Variants in CLSTN2 observed in about 807,000 individuals in gnomAD.
CLSTN2 encodes the protein calsyntenin-2.
A neutral mutation model predicts 101.2 loss-of-function variants in CLSTN2; 48 were observed. That is an observed-to-expected ratio of 0.47 (90% CI 0.38 to 0.60). The LOEUF is 0.60. Ranked by LOEUF, CLSTN2 falls within the 20% of genes least tolerant of loss-of-function variation. The pLI is 0.00. For synonymous variants in CLSTN2, 481 were observed against 463.6 expected (o/e 1.04, Z -0.48); for missense variants, 1,160 against 1,238.2 (o/e 0.94, Z 0.95).
Position 140,558,655 on chromosome 3 carries a change from C to A in CLSTN2, c.1839C>A (p.Asp613Glu), listed in dbSNP as rs138834742. The A allele has an allele frequency of 1.1e-5, 18 of 1,613,324 alleles. No individual in the cohort carries two copies. In the African/African-American group the frequency reaches 2.1e-4, roughly 19 times the overall value. The change falls in exon 12 of 17, where the codon GAC (aspartate) becomes GAA (glutamate). Residue 613 changes from aspartate (D) to glutamate (E), a missense_variant. Transcript: ENST00000458420. Reference sequence around the variant, plus strand: ...GTTTTCCCAGGTGCTTTGGGGAAGACGTATGCATCAGTATCCCTGAGGTAG... The same window carrying A: ...GTTTTCCCAGGTGCTTTGGGGAAGAAGTATGCATCAGTATCCCTGAGGTAG... The part of the protein sequence containing the change: ...VSSKVQCFGE[D>E]VCISIPEVDA...
At chr3:140,275,656 T>C (rs2086788348) in intron 2 of CLSTN2, among the ~76,000 whole-genome samples, 1 of 152,116 alleles carries the variant, frequency 6.6e-6, no homozygotes, top group Admixed American at 6.5e-5. Context: ...CACCTGACTC[T>C]CTACCCATGC....
intron 1 of CLSTN2, among the ~76,000 whole-genome samples, chr3:139,966,775 G>T (rs1271858544): frequency 6.6e-6 from 1 of 152,220 alleles, no homozygotes; most frequent in African/African-American, 2.4e-5. Flanking sequence ...GTGAAGGGAA[G>T]GTGCTGAGTC....
chr3:140,269,922 T>C (rs562750451), intron 2 of CLSTN2, among the ~76,000 whole-genome samples: 1 of 149,658 alleles, frequency 6.7e-6, no homozygotes. Flanking sequence ...TCAGAGAGGT[T>C]TTGTGAGGAT....
chr3:140,054,078 T>G (rs2008052943), intron 1 of CLSTN2, among the ~76,000 whole-genome samples: 1 of 152,048 alleles, frequency 6.6e-6, no homozygotes, highest in African/African-American at 2.4e-5. Flanking sequence ...AAGCAGTGAG[T>G]GACCAAAGAC....
intron 2 of CLSTN2, among the ~76,000 whole-genome samples, chr3:140,379,026 T>C (rs2087950613): frequency 6.6e-6 from 1 of 152,240 alleles, no homozygotes; most frequent in Non-Finnish European, 1.5e-5. Flanking sequence ...TGTGGTTGAC[T>C]GTCCACATTA....
chr3:140,053,052 G>A (rs1192216146), intron 1 of CLSTN2, among the ~76,000 whole-genome samples: 3 of 152,232 alleles, frequency 2.0e-5, no homozygotes, highest in East Asian at 1.9e-4. Context: ...TCTGGATGGC[G>A]CTGGCAGTCA....
At chr3:140,142,841 C>T (rs2009721516) in intron 1 of CLSTN2, among the ~76,000 whole-genome samples, 1 of 152,172 alleles carries the variant, frequency 6.6e-6, no homozygotes, top group South Asian at 2.1e-4. Context: ...ATTAGAATAA[C>T]AGCACCTGTC....
chr3:140,431,371 C>T (rs1156415993), intron 5 of CLSTN2, among the ~76,000 whole-genome samples: 1 of 152,138 alleles, frequency 6.6e-6, no homozygotes, highest in Non-Finnish European at 1.5e-5. Flanking sequence ...CCCAAAGATG[C>T]CGGGCCCAGG....
At chr3:140,220,974 A>G (rs1041882201) in intron 2 of CLSTN2, among the ~76,000 whole-genome samples, 5 of 152,196 alleles carry the variant, frequency 3.3e-5, no homozygotes, top group Non-Finnish European at 5.9e-5. Context: ...ACTTCCATGG[A>G]CCACCCACCA....
chr3:140,236,017 C>T (rs4315651), intron 2 of CLSTN2, among the ~76,000 whole-genome samples: 10 of 152,126 alleles, frequency 6.6e-5, no homozygotes, highest in African/African-American at 2.4e-4. Context: ...GCAACTCATT[C>T]TGTGTCCCTG....
chr3:140,027,636 C>T (rs1274701512), intron 1 of CLSTN2, among the ~76,000 whole-genome samples: 2 of 152,134 alleles, frequency 1.3e-5, no homozygotes. Context: ...AGTGTGAAGG[C>T]ATCATCCTGA....
intron 1 of CLSTN2, among the ~76,000 whole-genome samples, chr3:140,101,872 C>T (rs928182381): frequency 6.6e-5 from 10 of 152,180 alleles, no homozygotes; most frequent in South Asian, 2.1e-4. Context: ...GCTCATGGTC[C>T]GCTGGCCAGA....
intron 2 of CLSTN2, among the ~76,000 whole-genome samples, chr3:140,222,678 G>T (rs1252875891): frequency 6.6e-6 from 1 of 151,958 alleles, no homozygotes; most frequent in African/African-American, 2.4e-5. Flanking sequence ...ACACAGCAGG[G>T]TGACTATGTC....
At chr3:140,542,230 CAT>C (rs549101477) in intron 9 of CLSTN2, among the ~76,000 whole-genome samples, 1 of 152,156 alleles carries the variant, frequency 6.6e-6, no homozygotes, top group Non-Finnish European at 1.5e-5. Context: ...GCAATTTACT[CAT>C]ATTTTTATTT....
Position 140,421,170 on chromosome 3 carries a change from A to G in CLSTN2, c.683A>G (p.Gln228Arg). The stretch of plus-strand genomic sequence containing the variant: ...AAGCTGAGCTATGACAAACAACACC[A>G]GTATGAGATCCTGGTGACCGCCTAC... ...TEKLSYDKQH[Q>R]YEILVTAYDC... Residue 228 changes from glutamine to arginine, a missense_variant, in exon 5 of 17, where the codon CAG becomes CGG. Gln to Arg is a conservative substitution (Grantham distance 43). Transcript: ENST00000458420. 6.2e-7 allele frequency: 1 copy of G among 1,614,186 alleles called. No homozygotes were observed. Among genetic ancestry groups the G allele is most frequent in the African/African-American group, 1.3e-5 (1 of 75,058 alleles).
rs754087978 is a variant in CLSTN2 at position 140,566,093 on chromosome 3, G to A, written c.2708G>A (p.Gly903Glu). Residue 903 changes from glycine to glutamate, a missense_variant, in exon 17 of 17, where the codon GGA becomes GAA. Gly to Glu is a moderately conservative substitution (Grantham distance 98). Transcript: ENST00000458420. ...GPGHGEDETEGEEEEEAEEEM... is the reference protein window; with the variant it reads ...GPGHGEDETEEEEEEEAEEEM... ...GGGCATGGGGAAGATGAGACTGAGG[G>A]AGAAGAGGAGGAAGAAGCCGAGGAA... 5 of 1,613,086 alleles carry A rather than the reference G, an allele frequency of 3.1e-6. No individual in the cohort carries two copies. The highest frequency in any genetic ancestry group is 3.3e-5 in the Admixed American group (2 of 60,022).
chr3:140,137,606 G>A (rs1268590620), intron 1 of CLSTN2, among the ~76,000 whole-genome samples: 5 of 152,162 alleles, frequency 3.3e-5, no homozygotes, highest in Non-Finnish European at 4.4e-5. Context: ...TAGTAATGAC[G>A]AGATTTGAAT....
At chr3:140,191,833 T>C (rs1321187410) in intron 2 of CLSTN2, among the ~76,000 whole-genome samples, 1 of 151,992 alleles carries the variant, frequency 6.6e-6, no homozygotes, top group Admixed American at 6.6e-5. Flanking sequence ...AAACAGCTTC[T>C]TATTTTATTG....
chr3:140,252,183 T>G (rs1234623730), intron 2 of CLSTN2, among the ~76,000 whole-genome samples: 2 of 152,048 alleles, frequency 1.3e-5, no homozygotes, highest in Non-Finnish European at 2.9e-5. Flanking sequence ...ATAAAGAAAT[T>G]TTTGGAAACA....
Sources: gnomAD v4.1 joint callset for allele counts (sites outside exome capture counted in the v4.1 genomes callset) on GRCh38, gnomAD v4.1.1 for gene constraint, MANE v1.5 for transcripts, NCBI Gene and HGNC (gene_info 2026-07-23, HGNC 2026-07-21) for gene names.